Variants in RBPJ observed in about 807,000 individuals in gnomAD.
RBPJ encodes recombination signal binding protein for immunoglobulin kappa J region, also known as recombining binding protein suppressor of hairless.
In RBPJ, 9 loss-of-function variants were observed where a neutral mutation model predicts 67.8. The observed-to-expected ratio is 0.13, with a 90% CI of 0.08 to 0.23. The LOEUF (loss-of-function observed/expected upper bound fraction) is 0.23, where lower values mean the gene tolerates loss of function less well. RBPJ is among the 10% of genes least tolerant of loss of function. The pLI is 1.00. For synonymous variants in RBPJ, 198 were observed against 203.3 expected, an observed-to-expected ratio of 0.97 and a Z score of 0.22; for missense variants, 305 against 595.6, an observed-to-expected ratio of 0.51 and a Z score of 5.08.
At chr4:26,305,007 AT>A (rs1722190074) in intron 1 of RBPJ, among the ~76,000 whole-genome samples, 2 of 152,012 alleles carry the variant, frequency 1.3e-5, no homozygotes, top group African/African-American at 4.8e-5. Context: ...ATCTAAGGTA[AT>A]TTTTTAATAT....
the RBPJ span, among the ~76,000 whole-genome samples, chr4:26,116,411 C>T: frequency 6.6e-6 from 1 of 152,232 alleles, no homozygotes; most frequent in African/African-American, 2.4e-5. Flanking sequence ...GGAGTACTGG[C>T]CTGAGGGCAG....
intron 1 of RBPJ, among the ~76,000 whole-genome samples, chr4:26,214,865 GAA>G (rs1471083008): frequency 1.0e-4 from 10 of 99,828 alleles, no homozygotes; most frequent in South Asian, 7.3e-4. Flanking sequence ...AGAGGAAAGA[GAA>G]AATGAAAAAG....
At chr4:26,210,700 T>TTTCTTTCTTTCTTTCTTTCCTTCTTTCC (rs1348512062) in intron 1 of RBPJ, among the ~76,000 whole-genome samples, 1,973 of 59,378 alleles carry the variant, frequency 0.033, 254 homozygotes, top group South Asian at 0.049. Context: ...TCTTTCTTTC[T>TTTCTTTCTTTCTTTCTTTCCTTCTTTCC]TTCTTTCCTT....
intron 1 of RBPJ, among the ~76,000 whole-genome samples, chr4:26,199,091 C>G (rs1434375331): frequency 6.6e-6 from 1 of 152,178 alleles, no homozygotes; most frequent in Non-Finnish European, 1.5e-5. Context: ...CTATAAAATT[C>G]CTAGCAAGGA....
the RBPJ span, among the ~76,000 whole-genome samples, chr4:26,155,127 C>G: frequency 2.6e-5 from 4 of 152,230 alleles, no homozygotes; most frequent in African/African-American, 7.2e-5. Context: ...ACATATGGAT[C>G]ACTCTCTTTT....
chr4:26,239,100 T>C (rs906209732), intron 1 of RBPJ, among the ~76,000 whole-genome samples: 2 of 152,094 alleles, frequency 1.3e-5, no homozygotes, highest in Non-Finnish European at 2.9e-5. Flanking sequence ...GCTCAGATAA[T>C]AGCCTAACTT....
At chr4:26,197,175 C>T (rs774838345) in intron 1 of RBPJ, among the ~76,000 whole-genome samples, 1 of 152,260 alleles carries the variant, frequency 6.6e-6, no homozygotes, top group African/African-American at 2.4e-5. Flanking sequence ...CAACCAAGGT[C>T]AGCAGTGGCA....
chr4:26,287,661 GAAGAA>G (rs1175322788), intron 1 of RBPJ, among the ~76,000 whole-genome samples: 28 of 84,994 alleles, frequency 3.3e-4, no homozygotes, highest in African/African-American at 1.2e-3. Flanking sequence ...GAAGAAAAGA[GAAGAA>G]AAGAAAAGAA....
the RBPJ span, among the ~76,000 whole-genome samples, chr4:26,127,258 C>G: frequency 6.6e-6 from 1 of 152,228 alleles, no homozygotes; most frequent in African/African-American, 2.4e-5. Context: ...TCAGATCTTT[C>G]TGTATTTCAT....
intron 1 of RBPJ, among the ~76,000 whole-genome samples, chr4:26,298,149 C>T (rs373289180): frequency 6.6e-6 from 1 of 152,052 alleles, no homozygotes; most frequent in East Asian, 1.9e-4. Flanking sequence ...AAATAGCATG[C>T]TTTCCCTCAT....
chr4:26,414,524 T>G (rs573635488), intron 3 of RBPJ, among the ~76,000 whole-genome samples: 131 of 152,302 alleles, frequency 8.6e-4, no homozygotes, highest in Middle Eastern at 3.4e-3. Flanking sequence ...CTTATGTGGC[T>G]ACTATAGTTA....
chr4:26,328,593 G>C (rs536855869), intron 1 of RBPJ, among the ~76,000 whole-genome samples: 1 of 152,292 alleles, frequency 6.6e-6, no homozygotes, highest in African/African-American at 2.4e-5. Context: ...CCTCTTGGAA[G>C]ACCTTGAGTG....
chr4:26,157,094 C>CAAAAAA, the RBPJ span, among the ~76,000 whole-genome samples: 1 of 27,480 alleles, frequency 3.6e-5, no homozygotes, highest in Non-Finnish European at 8.5e-5. Flanking sequence ...AACAAACAAA[C>CAAAAAA]AAACAAAAAC....
chr4:26,393,192 T>G (rs532203914), intron 2 of RBPJ, among the ~76,000 whole-genome samples: 1 of 152,262 alleles, frequency 6.6e-6, no homozygotes, highest in African/African-American at 2.4e-5. Flanking sequence ...GAGAGCAAAC[T>G]ACAGATTTAT....
At chr4:26,122,925 G>A in the RBPJ span, among the ~76,000 whole-genome samples, 1 of 152,108 alleles carries the variant, frequency 6.6e-6, no homozygotes, top group Non-Finnish European at 1.5e-5. Context: ...GGCCATAGTC[G>A]GCCGACCCTC....
At chr4:26,214,536 G>GGAGGGAGGGAAAAGA in intron 1 of RBPJ, among the ~76,000 whole-genome samples, 1 of 9,696 alleles carries the variant, frequency 1.0e-4, no homozygotes, top group Non-Finnish European at 1.9e-4. Flanking sequence ...AAGGAGGAAG[G>GGAGGGAGGGAAAAGA]GAGGGAGGGA....
chr4:26,234,715 T>C (rs1719396189), intron 1 of RBPJ, among the ~76,000 whole-genome samples: 1 of 151,312 alleles, frequency 6.6e-6, no homozygotes, highest in African/African-American at 2.5e-5. Context: ...TTATTTGAGA[T>C]AGAGTCTCGC....
intron 1 of RBPJ, among the ~76,000 whole-genome samples, chr4:26,210,680 T>TTC (rs1718358734): frequency 4.8e-5 from 2 of 41,970 alleles, no homozygotes; most frequent in South Asian, 1.9e-3. Flanking sequence ...CTTTCTTTCT[T>TTC]TCTTTCCTTT....
At chr4:26,311,912 C>G (rs1722441596) in intron 1 of RBPJ, among the ~76,000 whole-genome samples, 1 of 151,800 alleles carries the variant, frequency 6.6e-6, no homozygotes, top group African/African-American at 2.4e-5. Flanking sequence ...GCCTGAGCAA[C>G]AGAGCAAGAT....
Sources: gnomAD v4.1 joint callset for allele counts (sites outside exome capture counted in the v4.1 genomes callset) on GRCh38, gnomAD v4.1.1 for gene constraint, MANE v1.5 for transcripts, NCBI Gene and HGNC (gene_info 2026-07-23, HGNC 2026-07-21) for gene names.